The following FRMD1 variants were observed in gnomAD, a reference collection of about 807,000 sequenced individuals.
The protein encoded by FRMD1 is FERM domain-containing protein 1.
In FRMD1, 51 loss-of-function variants were observed where a neutral mutation model predicts 54.9. That is an observed-to-expected ratio of 0.93 (90% confidence interval 0.74 to 1.17). The LOEUF is 1.17. Among genes scored for constraint, FRMD1 ranks in the 50% most tolerant of loss-of-function variants. The pLI is 0.00. For synonymous variants in FRMD1, 324 were observed against 306.4 expected (o/e 1.06, Z -0.60); for missense variants, 729 against 743.0 (o/e 0.98, Z 0.22).
In FRMD1 at chr6:168,057,250, C is replaced by T. The variant is rs144169920; in HGVS notation, c.1497G>A (p.Ala499=). 155 of 1,610,340 alleles carry T rather than the reference C, an allele frequency of 9.6e-5. No individual in the cohort carries two copies. Among genetic ancestry groups the T allele is most frequent in the South Asian group, 3.3e-5 (3 of 90,490 alleles). Residue 499 remains alanine (A), a synonymous_variant, in exon 11 of 11, where the codon GCG becomes GCA. Coordinates refer to ENST00000283309, the MANE Select transcript of FRMD1 (RefSeq NM_024919.6). ...GGAAGGTATGGCTGAGTGAGGTGGG[C>T]GCTGGGTGCAGGGCCAGCTGGTGCA... ...MQLHQLALHP[A]PTSLSHTFHR...
At position 168,060,805 on chromosome 6, in the gene FRMD1, G is replaced by C; in HGVS notation, c.1298C>G (p.Pro433Arg). 2 of 1,613,030 alleles carry C rather than the reference G, an allele frequency of 1.2e-6. No individual in the cohort carries two copies. Among genetic ancestry groups the C allele is most frequent in the Non-Finnish European group, 1.7e-6 (2 of 1,179,584 alleles). The change falls in exon 9 of 11, where the codon CCC (proline) becomes CGC (arginine). Residue 433 changes from proline to arginine, a missense_variant. Physicochemically the swap from Pro to Arg is moderately radical, Grantham distance 103. Coordinates refer to ENST00000283309, the MANE Select transcript of FRMD1 (RefSeq NM_024919.6). ...GCTGGGGTGGCTGCGGCTGGTCCTG[G>C]GGCTGGAGGACGGCTCCTTCTCATG... ...GLHEKEPSSS[P>R]RTSRSHPSTR...
intron 2 of FRMD1, among the ~76,000 whole-genome samples, chr6:168,073,687 G>A (rs920957326): frequency 6.6e-6 from 1 of 152,180 alleles, no homozygotes; most frequent in African/African-American, 2.4e-5. Context: ...GAGAAACTTA[G>A]GATGGAACCC....
intron 3 of FRMD1, 95 bp downstream of exon 3, chr6:168,067,272 C>T: frequency 2.4e-6 from 2 of 817,478 alleles, no homozygotes; most frequent in Non-Finnish European, 4.1e-6. Context: ...CCACAGCCCA[C>T]CGCGGTGCCT....
chr6:168,081,855 T>C (rs893524058), upstream of FRMD1: 10 of 292,712 alleles, frequency 3.4e-5, no homozygotes, highest in East Asian at 5.8e-4. Context: ...GCACAGTTCC[T>C]AAATGCTCTG....
chr6:168,081,447 G>A (rs2115026345), upstream of FRMD1: 1 of 1,535,694 alleles, frequency 6.5e-7, no homozygotes. Context: ...AGGCCGCGAG[G>A]AAGAGGAGAC....
chr6:168,081,241 G>T, upstream of FRMD1: 1 of 1,034,686 alleles, frequency 9.7e-7, no homozygotes, highest in Non-Finnish European at 1.3e-6. Flanking sequence ...CTCCCGCCAG[G>T]GCACTGAGGG....
intron 2 of FRMD1, among the ~76,000 whole-genome samples, chr6:168,073,602 T>G (rs1429353218): frequency 6.6e-6 from 1 of 152,076 alleles, no homozygotes; most frequent in African/African-American, 2.4e-5. Context: ...GCCTCTACTT[T>G]GAGGCACAGA....
chr6:168,058,625 CCTGGGCATCCAGGAACCA>C (rs1799545999), intron 10 of FRMD1, among the ~76,000 whole-genome samples: 2 of 152,308 alleles, frequency 1.3e-5, no homozygotes, highest in East Asian at 1.9e-4. Context: ...CTGTTCCCCA[CCTGGGCATCCAGGAACCA>C]CTGGCTCGCT....
At chr6:168,084,999 A>T (rs1034188347), upstream of FRMD1, among the ~76,000 whole-genome samples, 1 of 151,848 alleles carries the variant, frequency 6.6e-6, no homozygotes, top group Non-Finnish European at 1.5e-5. Context: ...CGTGGGTGTC[A>T]CTCCCTCCCG....
chr6:168,075,880 CA>C lies in FRMD1; in HGVS notation c.214-546del. On this transcript the variant is annotated intron_variant, in intron 1 of 10. Transcript: ENST00000283309. Reference sequence around the variant, plus strand: ...GTCCACATTTCCGGTGCCCGGTGTCCACATTTCCGGCGTCCCGTGTCCACAT... The same window carrying C: ...GTCCACATTTCCGGTGCCCGGTGTCCCATTTCCGGCGTCCCGTGTCCACAT... 1.6e-5 allele frequency: 17 copies of C among 1,069,042 alleles called. 2 individuals carry two copies. The highest frequency in any genetic ancestry group is 7.3e-5 in the South Asian group (5 of 68,322). The allele number at this position is 1,069,042 out of a possible 1,614,324, so 66.2% of individuals were successfully genotyped here.
At chr6:168,081,883 C>T (rs1022189006), upstream of FRMD1, 11 of 221,512 alleles carry the variant, frequency 5.0e-5, no homozygotes, top group South Asian at 1.2e-3. Flanking sequence ...TGAAACATTT[C>T]GCTTTAGAGG....
Position 168,091,897 on chromosome 6 carries a change from G to GTA in FRMD1, c.-12+9527_-12+9528insTA, listed in dbSNP as rs1439061167. ...CTTCATTCCACTCACTCCGGATCAG[G>GTA]TGTCACTAGGAAGAAATGGTCAAGA... On this transcript the variant is annotated intron_variant, in intron 1 of 12. Coordinates refer to the FRMD1 transcript ENST00000644440. 6.2e-5 allele frequency among the ~76,000 whole-genome samples: 3 copies of GTA among 48,608 alleles called. No homozygotes were observed. The East Asian group carries it at 7.0e-4, about 11-fold the overall frequency. 31.9% of individuals were successfully genotyped at this position (48,608 alleles called of 152,430 possible).
At chr6:168,092,002 A>G (rs1353459165) in intron 1 of FRMD1, among the ~76,000 whole-genome samples, 1 of 152,242 alleles carries the variant, frequency 6.6e-6, no homozygotes, top group Non-Finnish European at 1.5e-5. Flanking sequence ...AGGTCCTTGA[A>G]TGAGCCAGGC....
chr6:168,063,054 TC>T, intron 6 of FRMD1, 95 bp from the exon 7 acceptor site: 1 of 1,019,394 alleles, frequency 9.8e-7, no homozygotes, highest in Non-Finnish European at 1.6e-6. Context: ...GGCCGAGGGC[TC>T]CATGGACCAG....
intron 8 of FRMD1, among the ~76,000 whole-genome samples, chr6:168,061,341 G>T (rs191031918): frequency 2.0e-5 from 3 of 150,042 alleles, no homozygotes; most frequent in African/African-American, 4.9e-5. Context: ...GTGGGTAAAC[G>T]CTGAGGCCAG....
At position 168,057,044 on chromosome 6, in the gene FRMD1, G is replaced by C. The variant is rs1006912326; in HGVS notation, c.*53C>G. The C allele has an allele frequency of 7.4e-5, 106 of 1,431,728 alleles. No homozygotes were observed. The highest frequency in any genetic ancestry group is 1.2e-4 in the Admixed American group (4 of 33,522). 88.7% of individuals were successfully genotyped at this position (1,431,728 alleles called of 1,614,324 possible). A position where few individuals can be genotyped will look rare whatever the true frequency, so the allele number is the denominator to read the frequency against. On this transcript the variant is annotated 3_prime_UTR_variant, in exon 11 of 11. Coordinates refer to ENST00000283309, the MANE Select transcript of FRMD1 (RefSeq NM_024919.6). ...GGGACGAGGGCCATGTGGAAGTGGGGTGGGCAGGGGCTGAGCCTGGCGGTG... is the reference window on the plus strand; with the variant it reads ...GGGACGAGGGCCATGTGGAAGTGGGCTGGGCAGGGGCTGAGCCTGGCGGTG...
At position 168,073,563 on chromosome 6, in the gene FRMD1, AAGG is replaced by A. The variant is rs150157366; in HGVS notation, c.304+1679_304+1681del. Among the ~76,000 whole-genome samples, 1,421 of 152,190 alleles carry A rather than the reference AAGG, an allele frequency of 9.3e-3. 24 individuals are homozygous for A. Among genetic ancestry groups the A allele is most frequent in the African/African-American group, 0.031 (1,300 of 41,532 alleles). The stretch of plus-strand genomic sequence containing the variant: ...GTTCTGCTCCAGGCGGAGATTAGGG[AAGG>A]AGGAGACTGAGACAGGGGCACTCTC... On this transcript the variant is annotated intron_variant, in intron 2 of 10. Coordinates refer to ENST00000283309, the MANE Select transcript of FRMD1 (RefSeq NM_024919.6).
chr6:168,075,597 T>C (rs1800551524), intron 1 of FRMD1: 2 of 752,260 alleles, frequency 2.7e-6, no homozygotes, highest in Admixed American at 2.0e-5. Flanking sequence ...TCCATCCCTG[T>C]CTGTCTCTGG....
chr6:168,062,740 C>T (rs1386594103), intron 7 of FRMD1, 154 bp downstream of exon 7: 1 of 1,565,358 alleles, frequency 6.4e-7, no homozygotes, highest in African/African-American at 1.4e-5. Context: ...GGTCCACCTC[C>T]TGCGGGACAG....
Sources: gnomAD v4.1 joint callset for allele counts (sites outside exome capture counted in the v4.1 genomes callset) on GRCh38, gnomAD v4.1.1 for gene constraint, MANE v1.5 for transcripts, NCBI Gene and HGNC (gene_info 2026-07-23, HGNC 2026-07-21) for gene names.